Variants in AKT3 observed in about 807,000 individuals in gnomAD.
AKT3 encodes AKT serine/threonine kinase 3.
A neutral mutation model predicts 65.3 loss-of-function variants in AKT3; 15 were observed. The ratio of observed to expected loss-of-function variants is 0.23; its 90% CI spans 0.15 to 0.35. The LOEUF (loss-of-function observed/expected upper bound fraction) is 0.35, where lower values mean the gene tolerates loss of function less well. AKT3 is among the 10% of genes least tolerant of loss of function. AKT3 has a pLI of 1.00. For missense variants in AKT3, 243 were observed against 576.5 expected (o/e 0.42, Z 5.92); for synonymous variants, 206 against 183.8 (o/e 1.12, Z -0.98).
intron 2 of AKT3, among the ~76,000 whole-genome samples, chr1:243,741,138 T>C (rs1385687506): frequency 6.6e-6 from 1 of 152,202 alleles, no homozygotes; most frequent in Non-Finnish European, 1.5e-5. Context: ...ACTAACAGTA[T>C]AAACTCCAGC....
intron 2 of AKT3, among the ~76,000 whole-genome samples, chr1:243,743,430 T>A (rs1197468940): frequency 6.6e-6 from 1 of 152,224 alleles, no homozygotes; most frequent in African/African-American, 2.4e-5. Flanking sequence ...TAAATAGTCT[T>A]AATAACACTC....
chr1:243,808,051 C>T (rs1692863125), intron 2 of AKT3: 1 of 152,030 alleles, frequency 6.6e-6, no homozygotes, highest in South Asian at 2.1e-4. Context: ...TCATCAAAGA[C>T]CAAAGGCAGA....
At chr1:243,716,256 T>C (rs1018554924) in intron 2 of AKT3, among the ~76,000 whole-genome samples, 3 of 152,122 alleles carry the variant, frequency 2.0e-5, no homozygotes, top group Admixed American at 6.5e-5. Flanking sequence ...CAGAACCAAA[T>C]GATCCTAGTG....
intron 2 of AKT3, among the ~76,000 whole-genome samples, chr1:243,739,913 C>T (rs1474631066): frequency 6.6e-6 from 1 of 152,236 alleles, no homozygotes; most frequent in African/African-American, 2.4e-5. Flanking sequence ...CTTTCTGTTA[C>T]ACAGCACAAG....
At chr1:243,644,070 C>T (rs1273025100) in intron 5 of AKT3, among the ~76,000 whole-genome samples, 2 of 152,112 alleles carry the variant, frequency 1.3e-5, no homozygotes, top group African/African-American at 2.4e-5. Flanking sequence ...AAAAAGTTAA[C>T]AGAACTTCAA....
At chr1:243,795,693 G>C (rs1423546052) in intron 2 of AKT3, among the ~76,000 whole-genome samples, 1 of 151,354 alleles carries the variant, frequency 6.6e-6, no homozygotes, top group Non-Finnish European at 1.5e-5. Flanking sequence ...GGATGGTCTC[G>C]ATCTCCTGAC....
intron 8 of AKT3, among the ~76,000 whole-genome samples, chr1:243,580,699 C>G (rs531551219): frequency 6.6e-6 from 1 of 152,322 alleles, no homozygotes; most frequent in Admixed American, 6.5e-5. Flanking sequence ...TCACGTTCAG[C>G]TTGGCAACCT....
chr1:243,775,890 A>G (rs1572329878), intron 2 of AKT3, among the ~76,000 whole-genome samples: 1 of 152,210 alleles, frequency 6.6e-6, no homozygotes, highest in African/African-American at 2.4e-5. Context: ...AGAGAAAAGA[A>G]AATAAAAAAT....
intron 9 of AKT3, among the ~76,000 whole-genome samples, chr1:243,567,331 A>G (rs1244768128): frequency 6.6e-6 from 1 of 152,032 alleles, no homozygotes; most frequent in Admixed American, 6.6e-5. Context: ...TTTTTGAGAC[A>G]GGGTCTCGCT....
chr1:243,570,755 A>G (rs1295284293), intron 9 of AKT3, among the ~76,000 whole-genome samples: 1 of 152,190 alleles, frequency 6.6e-6, no homozygotes, highest in African/African-American at 2.4e-5. Context: ...TTCTTATGTT[A>G]CATGGATTTT....
intron 4 of AKT3, among the ~76,000 whole-genome samples, chr1:243,648,465 ATTG>A (rs1463783423): frequency 6.6e-6 from 1 of 152,068 alleles, no homozygotes. Context: ...CTTTTTACCT[ATTG>A]TTTAATTTGT....
chr1:243,588,897 C>T (rs1175718411), intron 8 of AKT3, among the ~76,000 whole-genome samples: 5 of 152,090 alleles, frequency 3.3e-5, no homozygotes, highest in Admixed American at 6.5e-5. Context: ...GGTGGGACTA[C>T]TATTTATCTC....
At chr1:243,774,787 G>T (rs1027667359) in intron 2 of AKT3, among the ~76,000 whole-genome samples, 2 of 152,068 alleles carry the variant, frequency 1.3e-5, no homozygotes, top group Admixed American at 6.5e-5. Context: ...TTCACATAAG[G>T]AAAAAACTCA....
At chr1:243,843,365 T>G in intron 1 of AKT3, 83 bp from the exon 2 acceptor site, 1 of 1,270,646 alleles carries the variant, frequency 7.9e-7, no homozygotes, top group Non-Finnish European at 1.0e-6. Flanking sequence ...TCTTTGTAAA[T>G]GTCTTCAACT....
chr1:243,745,646 T>G (rs370542578), intron 2 of AKT3, among the ~76,000 whole-genome samples: 1 of 152,178 alleles, frequency 6.6e-6, no homozygotes, highest in African/African-American at 2.4e-5. Context: ...CAGCTTTGAA[T>G]GCGCCTCAAC....
intron 8 of AKT3, among the ~76,000 whole-genome samples, chr1:243,594,089 T>C (rs188740568): frequency 3.0e-4 from 46 of 152,278 alleles, no homozygotes; most frequent in Admixed American, 6.5e-4. Flanking sequence ...AACTAATAAG[T>C]GAGCTTAGGA....
chr1:243,612,241 G>T (rs1293246056), intron 8 of AKT3, among the ~76,000 whole-genome samples: 1 of 151,814 alleles, frequency 6.6e-6, no homozygotes, highest in Non-Finnish European at 1.5e-5. Flanking sequence ...CTCAGTAGCT[G>T]GGAGTACAGG....
intron 12 of AKT3, among the ~76,000 whole-genome samples, chr1:243,536,784 A>G (rs898949799): frequency 6.6e-6 from 1 of 152,204 alleles, no homozygotes; most frequent in African/African-American, 2.4e-5. Context: ...AAAAGAAGAC[A>G]CTAATTGTAA....
intron 2 of AKT3, among the ~76,000 whole-genome samples, chr1:243,815,794 T>TGTTGTTGTTGTTGTTGTTGTC (rs1176525187): frequency 6.6e-6 from 1 of 151,678 alleles, no homozygotes; most frequent in African/African-American, 2.4e-5. Flanking sequence ...TTGTTGTTGT[T>TGTTGTTGTTGTTGTTGTTGTC]GTTGTAGAGA....
Sources: allele counts gnomAD v4.1 joint callset (sites outside exome capture counted in the v4.1 genomes callset), GRCh38; gene constraint gnomAD v4.1.1; transcripts MANE v1.5; gene names NCBI Gene and HGNC (gene_info 2026-07-23, HGNC 2026-07-21).